LCMT1: variants seen among roughly 807,000 people sequenced by gnomAD.
The protein encoded by LCMT1 is leucine carboxyl methyltransferase 1.
LCMT1 carries 32 observed loss-of-function variants against 47.7 expected under a neutral mutation model. The observed-to-expected ratio is 0.67, with a 90% CI of 0.51 to 0.90. The LOEUF (loss-of-function observed/expected upper bound fraction) is 0.90. Ranked by LOEUF, LCMT1 falls within the 40% of genes least tolerant of loss-of-function variation. The probability of loss-of-function intolerance (pLI) is 0.00; values close to 1 mark genes in which losing one functional copy is unlikely to be tolerated. For synonymous variants in LCMT1, 152 were observed against 149.7 expected (o/e 1.02, Z -0.11); for missense variants, 375 against 415.2 (o/e 0.90, Z 0.84).
chr16:25,133,385 G>GTTTTTTTT (rs1177872054), intron 3 of LCMT1, among the ~76,000 whole-genome samples: 10 of 52,620 alleles, frequency 1.9e-4, no homozygotes, highest in Non-Finnish European at 2.6e-4. Context: ...CTGGGCTTAG[G>GTTTTTTTT]TTTTTTTTTT....
At chr16:25,120,511 AC>A (rs1251517839) in intron 1 of LCMT1, among the ~76,000 whole-genome samples, 2 of 142,256 alleles carry the variant, frequency 1.4e-5, no homozygotes, top group Non-Finnish European at 3.1e-5. Flanking sequence ...TGCAGCATCT[AC>A]CTCCCAGGTT....
chr16:25,132,635 T>C, intron 3 of LCMT1, 112 bp downstream of exon 3: 1 of 1,190,620 alleles, frequency 8.4e-7, no homozygotes, highest in Admixed American at 2.2e-5. Context: ...AAAGCCTGTC[T>C]CCCACCCCTG....
At chr16:25,153,705 C>G (rs1025498349) in intron 5 of LCMT1, among the ~76,000 whole-genome samples, 3 of 152,112 alleles carry the variant, frequency 2.0e-5, no homozygotes, top group African/African-American at 7.2e-5. Context: ...GTAATCCCAG[C>G]ATTTTGGGAG....
chr16:25,172,308 C>CA lies in LCMT1; in HGVS notation c.884+1517dup, dbSNP rs35753205. 3.5e-3 allele frequency among the ~76,000 whole-genome samples: 446 copies of CA among 125,658 alleles called. 5 individuals are homozygous for CA. Among genetic ancestry groups the CA allele is most frequent in the East Asian group, 6.4e-3 (29 of 4,520 alleles). 82.4% of individuals were successfully genotyped at this position (125,658 alleles called of 152,430 possible). A position where few individuals can be genotyped will look rare whatever the true frequency, so the allele number is the denominator to read the frequency against. On this transcript the variant is annotated intron_variant, in intron 9 of 10. Coordinates refer to ENST00000399069, the MANE Select transcript of LCMT1 (RefSeq NM_016309.3). ...GGGCAACAAGAGCGAAACTCTGTCT[C>CA]AAAAAAAAAAAAAATAGGGTACATA...
At chr16:25,164,785 C>T in intron 7 of LCMT1, 67 bp downstream of exon 7, 1 of 1,602,644 alleles carries the variant, frequency 6.2e-7, no homozygotes, top group Admixed American at 1.7e-5. Flanking sequence ...TCTCCCAGCA[C>T]CCTTAGGATA....
chr16:25,134,313 ATTCTC>A (rs1393715286), intron 3 of LCMT1, among the ~76,000 whole-genome samples: 3 of 152,222 alleles, frequency 2.0e-5, no homozygotes, highest in African/African-American at 7.2e-5. Flanking sequence ...TTGCCTCTGC[ATTCTC>A]TTCTCAAGAT....
intron 9 of LCMT1, among the ~76,000 whole-genome samples, chr16:25,171,656 G>C (rs1961776657): frequency 6.6e-6 from 1 of 152,152 alleles, no homozygotes; most frequent in South Asian, 2.1e-4. Context: ...GGAGGAAAAC[G>C]ACGTTGTTCA....
At chr16:25,116,497 A>G (rs893632447) in intron 1 of LCMT1, among the ~76,000 whole-genome samples, 1 of 151,998 alleles carries the variant, frequency 6.6e-6, no homozygotes. Flanking sequence ...GGAGAACAAC[A>G]TGGCCTTCCT....
chr16:25,141,692 C>G (rs191014335), intron 4 of LCMT1: 7 of 152,286 alleles, frequency 4.6e-5, no homozygotes, highest in African/African-American at 1.7e-4. Context: ...TTAGCCAATC[C>G]TGAACTGTTA....
rs548519312 is a variant in LCMT1 at position 25,112,426 on chromosome 16, C to A, written c.113+430C>A. ...GTTGTGCACCTGAAACTCAGGATGA[C>A]GAGGGGAAATAACCCACCCAGAGCC... is the stretch of plus-strand genomic sequence containing the variant. On this transcript the variant is annotated intron_variant, in intron 1 of 10. Coordinates refer to ENST00000399069, the MANE Select transcript of LCMT1 (RefSeq NM_016309.3). Among the ~76,000 whole-genome samples, 7 of 152,248 alleles carry A rather than the reference C, an allele frequency of 4.6e-5. No individual in the cohort carries two copies. The East Asian group carries it at 9.6e-4, about 21-fold the overall frequency.
chr16:25,166,134 G>A (rs1313037320), intron 7 of LCMT1, among the ~76,000 whole-genome samples: 1 of 151,886 alleles, frequency 6.6e-6, no homozygotes, highest in African/African-American at 2.4e-5. Flanking sequence ...GCCAGGCATG[G>A]TGGCGGACGC....
At chr16:25,119,716 C>T (rs920200467) in intron 1 of LCMT1, among the ~76,000 whole-genome samples, 1 of 152,106 alleles carries the variant, frequency 6.6e-6, no homozygotes, top group African/African-American at 2.4e-5. Context: ...GCCTTTCCGG[C>T]ATCCTGATGA....
intron 4 of LCMT1, 117 bp downstream of exon 4, chr16:25,140,364 C>T (rs1960647828): frequency 1.3e-6 from 1 of 758,678 alleles, no homozygotes; most frequent in Admixed American, 2.5e-5. Flanking sequence ...CCGTTCACTG[C>T]CCCCCACCAA....
Position 25,167,391 on chromosome 16 carries a change from C to T in LCMT1, c.691-1721C>T, listed in dbSNP as rs116926235. On this transcript the variant is annotated intron_variant, in intron 7 of 10. Coordinates refer to ENST00000399069, the MANE Select transcript of LCMT1 (RefSeq NM_016309.3). Reference sequence around the variant, plus strand: ...GGAGTACAGTGGTGCCGTCATAGCTCACTGCAGTCTTGAGCTCCCAGGTTC... The same window carrying T: ...GGAGTACAGTGGTGCCGTCATAGCTTACTGCAGTCTTGAGCTCCCAGGTTC... Among the ~76,000 whole-genome samples the T allele has an allele frequency of 2.3e-4, 35 of 151,828 alleles. No homozygotes were observed. In the East Asian group the frequency reaches 6.6e-3, roughly 29 times the overall value.
At chr16:25,166,856 G>T (rs1300720121) in intron 7 of LCMT1, among the ~76,000 whole-genome samples, 2 of 152,086 alleles carry the variant, frequency 1.3e-5, no homozygotes, top group East Asian at 3.9e-4. Context: ...CTTCTATCCT[G>T]ATGGATGGAT....
intron 6 of LCMT1, among the ~76,000 whole-genome samples, chr16:25,162,119 G>A (rs770414455): frequency 3.9e-5 from 6 of 152,140 alleles, no homozygotes; most frequent in Admixed American, 6.5e-5. Flanking sequence ...TTCCACTTTC[G>A]TGGGTGTCTC....
At chr16:25,152,173 G>A (rs1961102390) in intron 5 of LCMT1, among the ~76,000 whole-genome samples, 1 of 152,174 alleles carries the variant, frequency 6.6e-6, no homozygotes, top group Admixed American at 6.5e-5. Context: ...AGGAAGGAAT[G>A]CTGGTTGACC....
intron 10 of LCMT1, among the ~76,000 whole-genome samples, chr16:25,176,062 A>G (rs1961922618): frequency 6.6e-6 from 1 of 152,132 alleles, no homozygotes; most frequent in Admixed American, 6.6e-5. Flanking sequence ...CTTGCTTACA[A>G]ACCCATGCAG....
chr16:25,127,092 G>A (rs991656179), intron 1 of LCMT1, among the ~76,000 whole-genome samples: 2 of 152,128 alleles, frequency 1.3e-5, no homozygotes, highest in Non-Finnish European at 2.9e-5. Context: ...GGCTGGGCAC[G>A]GTGACTCACG....
Sources: gnomAD v4.1 joint callset for allele counts (sites outside exome capture counted in the v4.1 genomes callset) on GRCh38, gnomAD v4.1.1 for gene constraint, MANE v1.5 for transcripts, NCBI Gene and HGNC (gene_info 2026-07-23, HGNC 2026-07-21) for gene names.